DNAI2: variants seen among roughly 807,000 people sequenced by gnomAD.
DNAI2 encodes the protein dynein axonemal intermediate chain 2.
DNAI2 carries 63 observed loss-of-function variants against 74.7 expected under a neutral mutation model. The ratio of observed to expected loss-of-function variants is 0.84; its 90% CI spans 0.69 to 1.04. The LOEUF is 1.04. Among genes scored for constraint, DNAI2 ranks in the 50% least tolerant of loss-of-function variants. The pLI is 0.00. For synonymous variants in DNAI2, 289 were observed against 314.9 expected (o/e 0.92, Z 0.87); for missense variants, 688 against 803.2 (o/e 0.86, Z 1.73).
At position 74,310,103 on chromosome 17, in the gene DNAI2, G is replaced by A; in HGVS notation, c.1434G>A (p.Leu478=). The change falls in exon 11 of 14, where the codon CTG becomes CTA. Residue 478 remains leucine (L), a synonymous_variant. Coordinates refer to ENST00000311014, the MANE Select transcript of DNAI2 (RefSeq NM_023036.6). Reference sequence around the variant, plus strand: ...GCTCCCAGCTGGGGACAACCACCCTGCTGGAGGTCTCGCCTGGGCTCTCTA... The same window carrying A: ...GCTCCCAGCTGGGGACAACCACCCTACTGGAGGTCTCGCCTGGGCTCTCTA... ...ACGSQLGTTT[L]LEVSPGLSTL... 1.2e-6 allele frequency: 2 copies of A among 1,613,856 alleles called. No individual in the cohort carries two copies. The highest frequency in any genetic ancestry group is 8.5e-7 in the Non-Finnish European group (1 of 1,180,016).
In DNAI2 at chr17:74,287,081, A is replaced by C; in HGVS notation, c.450A>C (p.Lys150Asn). 1.2e-6 allele frequency: 2 copies of C among 1,613,878 alleles called. No individual in the cohort carries two copies. Among genetic ancestry groups the C allele is most frequent in the Non-Finnish European group, 1.7e-6 (2 of 1,179,834 alleles). ...TGATGGAGGAGGACCCTTCAGCTAA[A>C]ACCATCAATGTGTTCAGGTAGCGCC... ...MEVMEEDPSA[K>N]TINVFRDPQE... Residue 150 changes from lysine (K) to asparagine (N), a missense_variant, in exon 4 of 14, where the codon AAA becomes AAC. Physicochemically the swap from Lys to Asn is moderately conservative, Grantham distance 94. Transcript: ENST00000311014.
At chr17:74,310,549 T>C (rs1397391890) in intron 11 of DNAI2, among the ~76,000 whole-genome samples, 1 of 151,774 alleles carries the variant, frequency 6.6e-6, no homozygotes, top group Non-Finnish European at 1.5e-5. Context: ...ATTTATTTAT[T>C]TATTTTTGAG....
At chr17:74,285,958 CATAT>C (rs755199948) in intron 3 of DNAI2, among the ~76,000 whole-genome samples, 2 of 111,768 alleles carry the variant, frequency 1.8e-5, no homozygotes, top group African/African-American at 5.7e-5. Flanking sequence ...CACACACACA[CATAT>C]ATATATATAG....
At chr17:74,290,038 G>C (rs548521485) in intron 5 of DNAI2, among the ~76,000 whole-genome samples, 1 of 152,142 alleles carries the variant, frequency 6.6e-6, no homozygotes, top group Non-Finnish European at 1.5e-5. Flanking sequence ...ATATCAGGCC[G>C]GGCTCGGTGG....
chr17:74,280,095 G>A (rs984597492), intron 1 of DNAI2, among the ~76,000 whole-genome samples: 4 of 152,154 alleles, frequency 2.6e-5, no homozygotes, highest in African/African-American at 4.8e-5. Flanking sequence ...AGGTCAAAGC[G>A]CCAACCACTG....
intron 9 of DNAI2, 93 bp from the exon 10 acceptor site, chr17:74,309,160 C>T: frequency 7.0e-7 from 1 of 1,433,520 alleles, no homozygotes; most frequent in Non-Finnish European, 9.7e-7. Flanking sequence ...TAGCAAGACT[C>T]TGAGATCCTG....
At chr17:74,294,298 CTT>C (rs113049803) in intron 6 of DNAI2, among the ~76,000 whole-genome samples, 42 of 139,686 alleles carry the variant, frequency 3.0e-4, no homozygotes, top group African/African-American at 1.1e-3. Flanking sequence ...CTTATCATTT[CTT>C]TTTTTTTTTT....
intron 6 of DNAI2, among the ~76,000 whole-genome samples, chr17:74,291,838 T>C (rs796269287): frequency 1.3e-5 from 2 of 151,984 alleles, no homozygotes; most frequent in African/African-American, 4.8e-5. Context: ...AAGTATTCCC[T>C]TCTGGAAGTT....
At chr17:74,297,832 G>A (rs2052538424) in intron 6 of DNAI2, among the ~76,000 whole-genome samples, 1 of 152,064 alleles carries the variant, frequency 6.6e-6, no homozygotes, top group Non-Finnish European at 1.5e-5. Context: ...TTGACCCTGG[G>A]CGTAAAAAGC....
rs772201762 is a variant in DNAI2, at chr17:74,305,353, C to T, written c.1122C>T (p.Pro374=). 2 of 1,614,202 alleles carry T rather than the reference C, an allele frequency of 1.2e-6. No homozygotes were observed. Among genetic ancestry groups the T allele is most frequent in the South Asian group, 2.2e-5 (2 of 91,082 alleles). Residue 374 remains proline, a synonymous_variant, in exon 9 of 14, where the codon CCC becomes CCT. Coordinates refer to ENST00000311014, the MANE Select transcript of DNAI2 (RefSeq NM_023036.6). The part of the protein sequence containing the change: ...HGPIYALQRN[P]FYPKNFLTVG... ...CCATCTACGCCCTCCAGAGAAACCC[C>T]TTCTACCCGAAGAACTTCCTGACGG... is the stretch of plus-strand genomic sequence containing the variant.
chr17:74,285,255 C>T lies in DNAI2; in HGVS notation c.345+54C>T, dbSNP rs184673696. Reference sequence around the variant, plus strand: ...GAGCCCCATCCATCACTGCAGCTCCCCAAGGGATGCACTGCCCCAGCTGTG... The same window carrying T: ...GAGCCCCATCCATCACTGCAGCTCCTCAAGGGATGCACTGCCCCAGCTGTG... On this transcript the variant is annotated intron_variant, in intron 3 of 13. Coordinates refer to ENST00000311014, the MANE Select transcript of DNAI2 (RefSeq NM_023036.6). 9.4e-6 allele frequency: 15 copies of T among 1,591,648 alleles called. 1 individual carries two copies. The East Asian group carries it at 2.9e-4, about 31-fold the overall frequency.
At chr17:74,276,857 G>T (rs146307891) in intron 1 of DNAI2, among the ~76,000 whole-genome samples, 275 of 152,298 alleles carry the variant, frequency 1.8e-3, no homozygotes, top group African/African-American at 6.3e-3. Context: ...TCAGAGACAG[G>T]CAGCCCTAAT....
chr17:74,286,972 C>A lies in DNAI2; in HGVS notation c.346-5C>A, dbSNP rs751933779. ...TGCGGAGAACTTCCAATGTGTCCCC[C>A]CTAGATCATGGAGCACTGCATCAAG... On this transcript the variant is annotated splice_region_variant and splice_polypyrimidine_tract_variant and intron_variant, in intron 3 of 13. Transcript: ENST00000311014. The A allele has an allele frequency of 1.9e-6, 3 of 1,613,654 alleles. No homozygotes were observed. Among genetic ancestry groups the A allele is most frequent in the Non-Finnish European group, 2.5e-6 (3 of 1,179,774 alleles).
intron 9 of DNAI2, 128 bp from the exon 10 acceptor site, chr17:74,309,125 C>T (rs2053356000): frequency 2.0e-6 from 2 of 1,010,420 alleles, no homozygotes; most frequent in Non-Finnish European, 3.0e-6. Flanking sequence ...AGCTAGAAGT[C>T]AGACACAAGG....
intron 1 of DNAI2, among the ~76,000 whole-genome samples, chr17:74,281,175 C>CTGCAGCA (rs1319174978): frequency 6.6e-6 from 1 of 151,664 alleles, no homozygotes; most frequent in African/African-American, 2.4e-5. Context: ...GGCAGACCAG[C>CTGCAGCA]TGCAGCATGC....
At chr17:74,292,834 C>CT (rs34852424) in intron 6 of DNAI2, among the ~76,000 whole-genome samples, 47,628 of 140,892 alleles carry the variant, frequency 0.34, 8,313 homozygotes, top group Non-Finnish European at 0.43. Flanking sequence ...TGTAGTTTTC[C>CT]TTTTTTTTTT....
At chr17:74,291,696 CAG>C (rs1283461669) in intron 6 of DNAI2, among the ~76,000 whole-genome samples, 1 of 152,100 alleles carries the variant, frequency 6.6e-6, no homozygotes, top group Non-Finnish European at 1.5e-5. Context: ...CAAGTAAAAT[CAG>C]AGAATATTTG....
Position 74,305,201 on chromosome 17 carries a change from G to T in DNAI2, c.988-18G>T, listed in dbSNP as rs763636160. On this transcript the variant is annotated intron_variant, in intron 8 of 13. Transcript: ENST00000311014. ...ATGGTTCGTGGAGTCTTCCCCTCCT[G>T]TGTCACTCCTTCCACAGCCCACCAA... is the stretch of plus-strand genomic sequence containing the variant. 1 of 1,613,704 alleles carries T rather than the reference G, an allele frequency of 6.2e-7. No individual in the cohort carries two copies. Among genetic ancestry groups the T allele is most frequent in the Non-Finnish European group, 8.5e-7 (1 of 1,179,698 alleles).
intron 11 of DNAI2, 90 bp from the exon 12 acceptor site, chr17:74,311,913 C>T (rs1218189966): frequency 1.6e-6 from 2 of 1,258,762 alleles, no homozygotes; most frequent in Non-Finnish European, 2.3e-6. Flanking sequence ...GCAAGGAGAG[C>T]TCAGCAGAAG....
Sources: gnomAD v4.1 joint callset for allele counts (sites outside exome capture counted in the v4.1 genomes callset) on GRCh38, gnomAD v4.1.1 for gene constraint, MANE v1.5 for transcripts, NCBI Gene and HGNC (gene_info 2026-07-23, HGNC 2026-07-21) for gene names.